Variants in PLAGL1 observed in about 807,000 individuals in gnomAD.
The protein encoded by PLAGL1 is PLAG1 like zinc finger 1, also known as zinc finger protein PLAGL1.
PLAGL1 carries 1 observed loss-of-function variant against 4.6 expected under a neutral mutation model. The observed-to-expected ratio is 0.22, with a 90% CI of 0.08 to 1.03. The LOEUF is 1.03. PLAGL1 is among the 50% of genes least tolerant of loss of function. The probability of loss-of-function intolerance (pLI) is 0.58; values close to 1 mark genes in which losing one functional copy is unlikely to be tolerated. For synonymous variants in PLAGL1, 240 were observed against 237.8 expected (o/e 1.01, Z -0.08); for missense variants, 464 against 570.4 (o/e 0.81, Z 1.90).
chr6:144,060,792 G>A lies in PLAGL1; in HGVS notation c.-151+3676C>T, dbSNP rs1324995847. On this transcript the variant is annotated intron_variant, in intron 1 of 3. Coordinates refer to the PLAGL1 transcript ENST00000437412. Reference sequence around the variant, plus strand: ...CATATAGATCCATGGTCCCCTCCCCGACCTCTTCAGAGATCAGACCTATGT... The same window carrying A: ...CATATAGATCCATGGTCCCCTCCCCAACCTCTTCAGAGATCAGACCTATGT... Among the ~76,000 whole-genome samples, 8 of 152,036 alleles carry A rather than the reference G, an allele frequency of 5.3e-5. No individual in the cohort carries two copies. In the South Asian group the frequency reaches 6.2e-4, roughly 12 times the overall value.
chr6:144,023,618 C>T (rs1039096553), intron 1 of PLAGL1, among the ~76,000 whole-genome samples: 1 of 152,066 alleles, frequency 6.6e-6, no homozygotes. Flanking sequence ...AGTCCATGCA[C>T]AATGGGAATG....
intron 2 of PLAGL1, among the ~76,000 whole-genome samples, chr6:143,977,100 C>T (rs1051984151): frequency 7.3e-6 from 1 of 137,796 alleles, no homozygotes; most frequent in East Asian, 2.3e-4. Context: ...CCCCAACACA[C>T]TTAGCCTTCT....
In PLAGL1 at chr6:144,063,354, G is replaced by T. The variant is rs1283555615; in HGVS notation, c.-151+1114C>A. Among the ~76,000 whole-genome samples the T allele has an allele frequency of 6.6e-6, 1 of 152,038 alleles. No individual in the cohort carries two copies. Among genetic ancestry groups the T allele is most frequent in the Non-Finnish European group, 1.5e-5 (1 of 68,008 alleles). On this transcript the variant is annotated intron_variant, in intron 1 of 3. Transcript: ENST00000437412. This position sits in a 1 kb window ranked among gnomAD's most constrained non-coding sequence, Gnocchi z 5.7. ...GAACCCAGTTCTTCTCCTTCCTGAT[G>T]CCTAACTAGGCGTCCCCAGCCATAT...
rs978486612 is a variant in PLAGL1 at position 143,956,042 on chromosome 6, G to A, written c.-325+4427C>T. On this transcript the variant is annotated intron_variant, in intron 6 of 7. Coordinates refer to ENST00000674357, the MANE Select transcript of PLAGL1 (RefSeq NM_001317162.2). ...TGGGCATTCGGGCCAGCAAGGAGAC[G>A]TGAAGCGTGGAGTGGCTCAGGAGCT... 5.3e-5 allele frequency among the ~76,000 whole-genome samples: 8 copies of A among 152,362 alleles called. No homozygotes were observed. The East Asian group carries it at 9.6e-4, about 18-fold the overall frequency.
In PLAGL1 at chr6:143,941,567, A is replaced by G. The variant is rs1242813350; in HGVS notation, c.1249T>C (p.Cys417Arg). The stretch of plus-strand genomic sequence containing the variant: ...GGTTCTTGCTGCTGCTGCCCCAGAC[A>G]GCTTAACCTGTGGGGCAAAGATTCC... Reference protein sequence around the residue: ...PGESLPHRLSCLGQQQQEPPL... With the variant: ...PGESLPHRLSRLGQQQQEPPL... The change falls in exon 8 of 8, where the codon TGT becomes CGT. Residue 417 changes from cysteine (C) to arginine (R), a missense_variant. Cys to Arg is a radical substitution (Grantham distance 180, BLOSUM62 -3). Around this residue, in one of 4 missense-constraint regions of PLAGL1, gnomAD observed 248 missense variants for 250.1 expected, o/e 0.99. Coordinates refer to ENST00000674357, the MANE Select transcript of PLAGL1 (RefSeq NM_001317162.2). The surrounding 1 kb of genome is among the most constrained non-coding windows in gnomAD (Gnocchi z 6.0). 1.9e-6 allele frequency: 3 copies of G among 1,592,394 alleles called. No individual in the cohort carries two copies. The highest frequency in any genetic ancestry group is 2.6e-6 in the Non-Finnish European group (3 of 1,168,176).
intron 1 of PLAGL1, among the ~76,000 whole-genome samples, chr6:144,021,128 T>A (rs1033505914): frequency 5.3e-5 from 8 of 151,912 alleles, no homozygotes; most frequent in Non-Finnish European, 1.2e-4. Context: ...ACATGACAAC[T>A]GGGCATAATG....
At chr6:144,057,490 C>G (rs187689093) in intron 1 of PLAGL1, among the ~76,000 whole-genome samples, 1 of 152,352 alleles carries the variant, frequency 6.6e-6, no homozygotes, top group Non-Finnish European at 1.5e-5. Context: ...ACCCGTGCCA[C>G]TGTGGCATGC....
Position 143,954,641 on chromosome 6 carries a change from A to C in PLAGL1, c.-325+5828T>G, listed in dbSNP as rs925554287. 6.6e-6 allele frequency among the ~76,000 whole-genome samples: 1 copy of C among 152,248 alleles called. No homozygotes were observed. The highest frequency in any genetic ancestry group is 2.4e-5 in the African/African-American group (1 of 41,458). ...AGAGGAGATGATTTTTAAACTAACA[A>C]AACAGAGTATACTATCTTCATCACA... On this transcript the variant is annotated intron_variant, in intron 6 of 7. Transcript: ENST00000674357. This position sits in a 1 kb window ranked among gnomAD's most constrained non-coding sequence, Gnocchi z 5.1.
rs1230226729 is a variant in PLAGL1 at position 143,982,102 on chromosome 6, T to C, written c.-544+3033A>G. ...AGCTTATCTTTGAATTAATTGTTTC[T>C]AGTAGCTTAACTGTATCCCATAACA... On this transcript the variant is annotated intron_variant, in intron 2 of 7. Coordinates refer to ENST00000674357, the MANE Select transcript of PLAGL1 (RefSeq NM_001317162.2). This position sits in a 1 kb window ranked among gnomAD's most constrained non-coding sequence, Gnocchi z 5.3. Among the ~76,000 whole-genome samples, 1 of 152,154 alleles carries C rather than the reference T, an allele frequency of 6.6e-6. No homozygotes were observed. Among genetic ancestry groups the C allele is most frequent in the Non-Finnish European group, 1.5e-5 (1 of 68,020 alleles).
chr6:144,009,429 T>C (rs899518846), upstream of PLAGL1, among the ~76,000 whole-genome samples: 4 of 152,264 alleles, frequency 2.6e-5, no homozygotes, highest in Non-Finnish European at 5.9e-5. Context: ...GGTGTTTTTC[T>C]CTATACATAA....
intron 1 of PLAGL1, among the ~76,000 whole-genome samples, chr6:143,988,503 A>G (rs192221707): frequency 6.6e-6 from 1 of 152,338 alleles, no homozygotes; most frequent in Admixed American, 6.5e-5. Flanking sequence ...ATCAGGGGCT[A>G]CTGTGGGCAC....
rs944978040 is a variant in PLAGL1 at position 143,957,154 on chromosome 6, C to CA, written c.-325+3314dup. Among the ~76,000 whole-genome samples the CA allele has an allele frequency of 1.8e-4, 27 of 152,128 alleles. No homozygotes were observed. Among genetic ancestry groups the CA allele is most frequent in the African/African-American group, 6.0e-4 (25 of 41,432 alleles). On this transcript the variant is annotated intron_variant, in intron 6 of 7. Coordinates refer to ENST00000674357, the MANE Select transcript of PLAGL1 (RefSeq NM_001317162.2). This position sits in a 1 kb window ranked among gnomAD's most constrained non-coding sequence, Gnocchi z 4.2. ...TTGTATTTTTAAATAGAAACAGTCA[C>CA]AAAAAAATAGACAAATGTCTACAAG... is the stretch of plus-strand genomic sequence containing the variant.
intron 1 of PLAGL1, among the ~76,000 whole-genome samples, chr6:143,991,896 A>G (rs1790554203): frequency 6.6e-6 from 1 of 152,232 alleles, no homozygotes; most frequent in Non-Finnish European, 1.5e-5. Context: ...CATAGTGGGC[A>G]GAGTGATCCC....
intron 1 of PLAGL1, among the ~76,000 whole-genome samples, chr6:144,020,837 AAT>A (rs1022742284): frequency 1.4e-5 from 2 of 145,900 alleles, no homozygotes; most frequent in East Asian, 1.9e-4. Context: ...TATATAATAT[AAT>A]ATATATAAAA....
rs1211606399 is a variant in PLAGL1 at position 143,950,803 on chromosome 6, T to C, written c.-324-2343A>G. On this transcript the variant is annotated intron_variant, in intron 6 of 7. Transcript: ENST00000674357. The surrounding 1 kb of genome is among the most constrained non-coding windows in gnomAD (Gnocchi z 6.3). Reference sequence around the variant, plus strand: ...ATGACTGGCATGTCCAACAGAACTTTCTGCAATGATGGAAATGTTACAGAT... The same window carrying C: ...ATGACTGGCATGTCCAACAGAACTTCCTGCAATGATGGAAATGTTACAGAT... 1.3e-5 allele frequency among the ~76,000 whole-genome samples: 2 copies of C among 152,222 alleles called. No individual in the cohort carries two copies. Among genetic ancestry groups the C allele is most frequent in the Non-Finnish European group, 2.9e-5 (2 of 68,042 alleles).
chr6:143,969,026 G>GA (rs1784935642), intron 2 of PLAGL1, 48 bp from the exon 3 acceptor site: 1 of 150,250 alleles, frequency 6.7e-6, no homozygotes, highest in Non-Finnish European at 1.5e-5. Flanking sequence ...AAAGCATCAA[G>GA]AAAAAACACA....
In PLAGL1 at chr6:143,941,365, C is replaced by T; in HGVS notation, c.*59G>A. 1 of 1,310,990 alleles carries T rather than the reference C, an allele frequency of 7.6e-7. No homozygotes were observed. 81.2% of individuals were successfully genotyped at this position (1,310,990 alleles called of 1,614,324 possible). A position where few individuals can be genotyped will look rare whatever the true frequency, so the allele number is the denominator to read the frequency against. ...CAAATCTTTCTCATATTGTAACTGA[C>T]ATTTAAAATGCTTCTTAAAACATCT... On this transcript the variant is annotated 3_prime_UTR_variant, in exon 8 of 8. Transcript: ENST00000674357. The surrounding 1 kb of genome is among the most constrained non-coding windows in gnomAD (Gnocchi z 6.0).
intron 1 of PLAGL1, among the ~76,000 whole-genome samples, chr6:144,028,561 G>T (rs1206503286): frequency 6.6e-6 from 1 of 152,122 alleles, no homozygotes; most frequent in Non-Finnish European, 1.5e-5. Flanking sequence ...CTAATTTTAG[G>T]GTATGGCTGT....
At chr6:144,007,386 G>A (rs983187937) in intron 1 of PLAGL1, 8 of 152,210 alleles carry the variant, frequency 5.3e-5, no homozygotes, top group African/African-American at 1.9e-4. Context: ...AGGGGTTAGA[G>A]GAGGATTCCT....
Sources: allele counts gnomAD v4.1 joint callset (sites outside exome capture counted in the v4.1 genomes callset), GRCh38; gene constraint gnomAD v4.1.1; regional missense constraint gnomAD v4.1.1; non-coding constraint Gnocchi (gnomAD v3.1); transcripts MANE v1.5; gene names NCBI Gene and HGNC (gene_info 2026-07-23, HGNC 2026-07-21).